The following FBXO38 variants were observed in gnomAD, a reference collection of about 807,000 sequenced individuals.
FBXO38 encodes the protein F-box protein 38, also known as F-box only protein 38.
In FBXO38, 53 loss-of-function variants were observed where a neutral mutation model predicts 131.9. The observed-to-expected ratio is 0.40, with a 90% CI of 0.32 to 0.51. The LOEUF (loss-of-function observed/expected upper bound fraction) is 0.51. Ranked by LOEUF, FBXO38 falls within the 20% of genes least tolerant of loss-of-function variation. The pLI is 0.53. For missense variants in FBXO38, 1,076 were observed against 1,475.6 expected, an observed-to-expected ratio of 0.73 and a Z score of 4.44; for synonymous variants, 452 against 505.6, an observed-to-expected ratio of 0.89 and a Z score of 1.42.
At chr5:148,409,251 TAGAA>T (rs751376784) in intron 8 of FBXO38, 34 bp downstream of exon 8, 2 of 1,332,342 alleles carry the variant, frequency 1.5e-6, no homozygotes, top group Non-Finnish European at 2.2e-6. Flanking sequence ...TCTCTCACTT[TAGAA>T]GTAATTATGT....
chr5:148,391,151 A>G (rs989359298), intron 1 of FBXO38, among the ~76,000 whole-genome samples: 1 of 152,212 alleles, frequency 6.6e-6, no homozygotes, highest in Non-Finnish European at 1.5e-5. Context: ...TGTCTAGGTT[A>G]TAAGTTTGTT....
intron 13 of FBXO38, among the ~76,000 whole-genome samples, chr5:148,424,562 T>C (rs1203432750): frequency 6.6e-6 from 1 of 152,204 alleles, no homozygotes; most frequent in African/African-American, 2.4e-5. Flanking sequence ...ATATAGAGTC[T>C]TAGGCCCTTA....
In FBXO38 at chr5:148,402,082, G is replaced by A; in HGVS notation, c.363G>A (p.Arg121=). 6.2e-7 allele frequency: 1 copy of A among 1,613,690 alleles called. No individual in the cohort carries two copies. The highest frequency in any genetic ancestry group is 8.5e-7 in the Non-Finnish European group (1 of 1,179,672). ...HPRYLERRRV[R]GHEAFSIPGV... ...GATACCTTGAGAGGCGAAGAGTAAG[G>A]GGCCATGAGGCTTTTAGCATTCCAG... The change falls in exon 4 of 22, where the codon AGG becomes AGA. Residue 121 remains arginine (R), a synonymous_variant. Coordinates refer to ENST00000340253, the MANE Select transcript of FBXO38 (RefSeq NM_205836.3).
rs1581313660 is a variant in FBXO38 at position 148,440,472 on chromosome 5, A to C, written c.3219A>C (p.Glu1073Asp). The stretch of plus-strand genomic sequence containing the variant: ...TCCCTGAAGCCACTCGAAGTGAAGA[A>C]GACTTAAAGAAATACCCCAAGTACC... ...EFFPEATRSE[E>D]DLKKYPKYPW... The change falls in exon 20 of 22, where the codon GAA (glutamate) becomes GAC (aspartate). Residue 1073 changes from glutamate (E) to aspartate (D), a missense_variant. By Grantham distance (45) the Glu-to-Asp change is conservative. This residue lies in a region of FBXO38 where 282 missense variants were observed against 418.8 expected (regional missense o/e 0.67). Transcript: ENST00000340253. 1 of 1,612,974 alleles carries C rather than the reference A, an allele frequency of 6.2e-7. No individual in the cohort carries two copies. Among genetic ancestry groups the C allele is most frequent in the South Asian group, 1.1e-5 (1 of 91,036 alleles).
At chr5:148,408,324 A>G (rs1026102518) in intron 7 of FBXO38, among the ~76,000 whole-genome samples, 14 of 152,236 alleles carry the variant, frequency 9.2e-5, no homozygotes. Context: ...ACTGTTTGGT[A>G]GTATCTACTA....
intron 1 of FBXO38, chr5:148,390,120 G>A (rs779943252): frequency 6.6e-6 from 1 of 151,956 alleles, no homozygotes; most frequent in Non-Finnish European, 1.5e-5. Context: ...GGGAAACCAG[G>A]TCCCTATTCA....
At chr5:148,418,049 G>A (rs369872204) in intron 12 of FBXO38, among the ~76,000 whole-genome samples, 1 of 152,162 alleles carries the variant, frequency 6.6e-6, no homozygotes, top group East Asian at 1.9e-4. Flanking sequence ...AGAATCATCT[G>A]TAGGCAATGT....
chr5:148,422,949 C>CTGGT (rs879477297), intron 12 of FBXO38, among the ~76,000 whole-genome samples: 4 of 142,544 alleles, frequency 2.8e-5, no homozygotes, highest in South Asian at 2.3e-4. Context: ...ACACAGATAA[C>CTGGT]TGGTTTGTTT....
intron 1 of FBXO38, among the ~76,000 whole-genome samples, chr5:148,391,144 C>A (rs899762241): frequency 6.6e-6 from 1 of 152,068 alleles, no homozygotes; most frequent in African/African-American, 2.4e-5. Context: ...GCATTATTGT[C>A]TAGGTTATAA....
chr5:148,416,751 C>T, intron 11 of FBXO38: 1 of 478,724 alleles, frequency 2.1e-6, no homozygotes, highest in Non-Finnish European at 3.7e-6. Context: ...TGGCCATGTG[C>T]TGTTGGGCAG....
intron 17 of FBXO38, chr5:148,434,609 G>C (rs1288072005): frequency 6.6e-6 from 1 of 152,112 alleles, no homozygotes; most frequent in Non-Finnish European, 1.5e-5. Flanking sequence ...GTATGTGTAT[G>C]TATACAGGCA....
Position 148,383,990 on chromosome 5 carries a change from T to C in FBXO38, c.-113T>C, listed in dbSNP as rs527794216. 1 of 152,834 alleles carries C rather than the reference T, an allele frequency of 6.5e-6. No individual in the cohort carries two copies. The highest frequency in any genetic ancestry group is 6.5e-5 in the Admixed American group (1 of 15,300). The allele number at this position is 152,834 out of a possible 1,614,324, so 9.5% of individuals were successfully genotyped here. ...CAGCGGTAGGGGCCGGGGAAGTGTC[T>C]GTAGCGTCCCTCCCTCTCAACCACA... On this transcript the variant is annotated 5_prime_UTR_variant, in exon 1 of 22. Transcript: ENST00000340253.
intron 6 of FBXO38, among the ~76,000 whole-genome samples, chr5:148,405,685 C>G (rs1038956232): frequency 1.2e-4 from 18 of 152,172 alleles, no homozygotes; most frequent in African/African-American, 4.3e-4. Context: ...CACTTTCTTC[C>G]TCTGTTTTTG....
chr5:148,389,053 G>A (rs985920192), intron 1 of FBXO38, among the ~76,000 whole-genome samples: 3 of 152,282 alleles, frequency 2.0e-5, no homozygotes, highest in Non-Finnish European at 4.4e-5. Flanking sequence ...TTGTGTCTCA[G>A]GAAATAGGGA....
chr5:148,428,490 A>G (rs1466421431), intron 15 of FBXO38, among the ~76,000 whole-genome samples: 1 of 152,208 alleles, frequency 6.6e-6, no homozygotes, highest in Non-Finnish European at 1.5e-5. Context: ...TTTGGTGAAA[A>G]TACTCAAAAC....
chr5:148,436,125 G>A (rs888308510), intron 17 of FBXO38, among the ~76,000 whole-genome samples: 2 of 152,202 alleles, frequency 1.3e-5, no homozygotes, highest in African/African-American at 2.4e-5. Flanking sequence ...AAGGGAGCAC[G>A]TGCTTACTAA....
At chr5:148,402,232 A>G in intron 4 of FBXO38, 87 bp downstream of exon 4, 2 of 1,547,520 alleles carry the variant, frequency 1.3e-6, no homozygotes. Flanking sequence ...TCACATGCAA[A>G]TCTCATCTGT....
intron 1 of FBXO38, among the ~76,000 whole-genome samples, chr5:148,392,747 C>T (rs545862684): frequency 3.9e-4 from 60 of 151,994 alleles, no homozygotes; most frequent in Middle Eastern, 3.4e-3. Flanking sequence ...ATATCACTTT[C>T]GGAGCCAAAG....
chr5:148,413,986 C>T, intron 9 of FBXO38, 150 bp from the exon 10 acceptor site: 1 of 586,558 alleles, frequency 1.7e-6, no homozygotes. Flanking sequence ...GAATACCTAA[C>T]CTAAAATTAT....
Sources: gnomAD v4.1 joint callset for allele counts (sites outside exome capture counted in the v4.1 genomes callset) on GRCh38, gnomAD v4.1.1 for gene constraint, gnomAD v4.1.1 regional missense constraint, MANE v1.5 for transcripts, NCBI Gene and HGNC (gene_info 2026-07-23, HGNC 2026-07-21) for gene names.